GALNS: variants seen among roughly 807,000 people sequenced by gnomAD.
GALNS encodes the protein galactosamine (N-acetyl)-6-sulfatase, also known as N-acetylgalactosamine-6-sulfatase.
GALNS carries 65 observed loss-of-function variants against 65.9 expected under a neutral mutation model. That is an observed-to-expected ratio of 0.99 (90% CI 0.81 to 1.21). The LOEUF is 1.21. Ranked by LOEUF, GALNS falls within the 50% of genes most tolerant of loss-of-function variation. The pLI is 0.00. For synonymous variants in GALNS, 346 were observed against 288.9 expected, an observed-to-expected ratio of 1.20 and a Z score of -2.00; for missense variants, 776 against 700.7, an observed-to-expected ratio of 1.11 and a Z score of -1.21.
At position 88,836,275 on chromosome 16, in the gene GALNS, G is replaced by C; in HGVS notation, c.567-8C>G. 1 of 1,608,612 alleles carries C rather than the reference G, an allele frequency of 6.2e-7. No homozygotes were observed. The highest frequency in any genetic ancestry group is 8.5e-7 in the Non-Finnish European group (1 of 1,177,084). Reference sequence around the variant, plus strand: ...GGAAATTCTTCATAATATCTGAAAAGAACACAGATCCAGACAGACTTCAGA... The same window carrying C: ...GGAAATTCTTCATAATATCTGAAAACAACACAGATCCAGACAGACTTCAGA... On this transcript the variant is annotated splice_polypyrimidine_tract_variant and splice_region_variant and intron_variant, in intron 5 of 13. Coordinates refer to ENST00000268695, the MANE Select transcript of GALNS (RefSeq NM_000512.5).
At chr16:88,836,991 C>T (rs1348344328) in intron 5 of GALNS, among the ~76,000 whole-genome samples, 1 of 152,212 alleles carries the variant, frequency 6.6e-6, no homozygotes, top group East Asian at 1.9e-4. Context: ...CTGCGTGGTG[C>T]GACTCCCACA....
chr16:88,849,191 T>G (rs1967395083), intron 1 of GALNS, among the ~76,000 whole-genome samples: 2 of 152,250 alleles, frequency 1.3e-5, no homozygotes, highest in African/African-American at 4.8e-5. Context: ...CTTGGCTCAC[T>G]GCAACCTCTG....
In GALNS at chr16:88,854,988, C is replaced by T. The variant is rs148021604; in HGVS notation, c.120+1770G>A. On this transcript the variant is annotated intron_variant, in intron 1 of 13. Coordinates refer to ENST00000268695, the MANE Select transcript of GALNS (RefSeq NM_000512.5). ...GGCGGGGCTTCCTGTCACCCTCCCC[C>T]ACATGTGCCCCGGTGGCCACACCCC... The T allele has an allele frequency of 1.4e-3, 483 of 338,392 alleles. 1 individual carries two copies. The highest frequency in any genetic ancestry group is 6.6e-3 in the African/African-American group (303 of 46,048). The allele number at this position is 338,392 out of a possible 1,614,324, so 21.0% of individuals were successfully genotyped here. A position where few individuals can be genotyped will look rare whatever the true frequency, so the allele number is the denominator to read the frequency against.
chr16:88,840,616 C>T, intron 4 of GALNS: 1 of 365,850 alleles, frequency 2.7e-6, no homozygotes, highest in Non-Finnish European at 5.3e-6. Flanking sequence ...CTAGGGTGGA[C>T]AGGCAGCTCC....
intron 8 of GALNS, among the ~76,000 whole-genome samples, chr16:88,834,486 C>T (rs1297187747): frequency 4.0e-5 from 4 of 101,114 alleles, no homozygotes; most frequent in Non-Finnish European, 5.8e-5. Flanking sequence ...TGGGAAGAGG[C>T]TGCAGGGCCC....
chr16:88,842,719 A>T lies in GALNS; in HGVS notation c.231T>A (p.Pro77=), dbSNP rs1191174273. ...LLFPNFYSAN[P]LCSPSRAALL... ...CCGCTGACTTACATGGCGAGCACAG[A>T]GGGTTGGCAGAATAGAAGTTTGGGA... is the stretch of plus-strand genomic sequence containing the variant. Residue 77 remains proline (P), a synonymous_variant, in exon 2 of 14, where the codon CCT becomes CCA. Transcript: ENST00000268695. The T allele has an allele frequency of 6.2e-7, 1 of 1,612,906 alleles. No homozygotes were observed. Among genetic ancestry groups the T allele is most frequent in the Non-Finnish European group, 8.5e-7 (1 of 1,179,764 alleles).
chr16:88,832,654 A>C (rs772516541), intron 8 of GALNS, among the ~76,000 whole-genome samples: 3 of 152,208 alleles, frequency 2.0e-5, no homozygotes, highest in Non-Finnish European at 2.9e-5. Flanking sequence ...TCACTCCCAG[A>C]CATGGAAGAA....
rs943476709 is a variant in GALNS, at chr16:88,817,929, G to A, written c.1482+78C>T. ...GCACGCCTGCCTCTGCCCTGTGCTG[G>A]CCACGGTTCATCCTGGGCCCCGGGT... On this transcript the variant is annotated intron_variant, in intron 13 of 13. Transcript: ENST00000268695. 93 of 1,210,274 alleles carry A rather than the reference G, an allele frequency of 7.7e-5. 1 individual carries two copies. Among genetic ancestry groups the A allele is most frequent in the Non-Finnish European group, 9.9e-5 (84 of 850,356 alleles). The allele number at this position is 1,210,274 out of a possible 1,614,324, so 75.0% of individuals were successfully genotyped here. A position where few individuals can be genotyped will look rare whatever the true frequency, so the allele number is the denominator to read the frequency against.
intron 8 of GALNS, among the ~76,000 whole-genome samples, chr16:88,833,381 C>A (rs576653625): frequency 1.3e-5 from 2 of 152,120 alleles, no homozygotes; most frequent in South Asian, 4.1e-4. Context: ...AGGGGACACT[C>A]AGGCTCACAG....
At chr16:88,854,038 G>C (rs1967637719) in intron 1 of GALNS, among the ~76,000 whole-genome samples, 1 of 152,358 alleles carries the variant, frequency 6.6e-6, no homozygotes, top group South Asian at 2.1e-4. Flanking sequence ...TTAGACGAAA[G>C]GGGGGCCCAG....
intron 12 of GALNS, among the ~76,000 whole-genome samples, chr16:88,821,914 G>C (rs1391720655): frequency 4.6e-5 from 7 of 152,164 alleles, no homozygotes; most frequent in African/African-American, 1.7e-4. Context: ...CCAGGAGCAG[G>C]AATTGGGGAC....
At position 88,817,893 on chromosome 16, in the gene GALNS, G is replaced by C. The variant is rs1485263580; in HGVS notation, c.1482+114C>G. On this transcript the variant is annotated intron_variant, in intron 13 of 13. Coordinates refer to ENST00000268695, the MANE Select transcript of GALNS (RefSeq NM_000512.5). ...AGGCACGAGGGCCTCACCACTGACG[G>C]AGGCGGGGAAGCACGCCTGCCTCTG... 4.4e-6 allele frequency: 4 copies of C among 916,554 alleles called. No homozygotes were observed. The Admixed American group carries it at 6.0e-5, about 14-fold the overall frequency. 56.8% of individuals were successfully genotyped at this position (916,554 alleles called of 1,614,324 possible). A position where few individuals can be genotyped will look rare whatever the true frequency, so the allele number is the denominator to read the frequency against.
At chr16:88,843,091 C>T (rs184714390) in intron 1 of GALNS, 62 of 1,495,914 alleles carry the variant, frequency 4.1e-5, no homozygotes, top group South Asian at 1.3e-4. Context: ...CGCTGTCTTT[C>T]GCCTCCACTT....
chr16:88,851,741 G>T (rs772014760), intron 1 of GALNS, among the ~76,000 whole-genome samples: 1 of 152,146 alleles, frequency 6.6e-6, no homozygotes, highest in East Asian at 1.9e-4. Flanking sequence ...TCATGCCCAC[G>T]GAGCCTTGCT....
chr16:88,821,614 C>T (rs934545847), intron 12 of GALNS, among the ~76,000 whole-genome samples: 14 of 152,174 alleles, frequency 9.2e-5, no homozygotes, highest in Admixed American at 2.6e-4. Flanking sequence ...GGCTCAGCCC[C>T]GTGGGAAGGC....
At chr16:88,819,136 T>C (rs531806132) in intron 12 of GALNS, among the ~76,000 whole-genome samples, 1 of 152,306 alleles carries the variant, frequency 6.6e-6, no homozygotes, top group South Asian at 2.1e-4. Context: ...TCCCTAAAAA[T>C]GAGGCTTCAC....
rs1967040455 is a variant in GALNS at position 88,842,816 on chromosome 16, T to A, written c.134A>T (p.Asp45Val). Residue 45 changes from aspartate to valine, a missense_variant, in exon 2 of 14, where the codon GAC becomes GTC. Coordinates refer to ENST00000268695, the MANE Select transcript of GALNS (RefSeq NM_000512.5). ...LLLMDDMGWG[D>V]LGVYGEPSRE... The stretch of plus-strand genomic sequence containing the variant: ...GGAGGGCTCTCCATACACCCCGAGG[T>A]CACCCCATCCCATCTGCAGGGAAGA... 6.2e-7 allele frequency: 1 copy of A among 1,613,388 alleles called. No individual in the cohort carries two copies. The highest frequency in any genetic ancestry group is 1.3e-5 in the African/African-American group (1 of 75,052).
At chr16:88,831,835 T>C (rs1285324080) in intron 9 of GALNS, among the ~76,000 whole-genome samples, 163 bp downstream of exon 9, 4 of 107,946 alleles carry the variant, frequency 3.7e-5, no homozygotes, top group African/African-American at 1.1e-4. Context: ...GTGGTGAGGC[T>C]GAGCATGGGG....
intron 12 of GALNS, among the ~76,000 whole-genome samples, 187 bp downstream of exon 12, chr16:88,822,402 T>A (rs1910324051): frequency 6.6e-6 from 1 of 151,982 alleles, no homozygotes; most frequent in Admixed American, 6.5e-5. Context: ...ACCACCAGGG[T>A]GGGCAGCAGC....
Sources: gnomAD v4.1 joint callset for allele counts (sites outside exome capture counted in the v4.1 genomes callset) on GRCh38, gnomAD v4.1.1 for gene constraint, MANE v1.5 for transcripts, NCBI Gene and HGNC (gene_info 2026-07-23, HGNC 2026-07-21) for gene names.